PLA2R1: variants seen among roughly 807,000 people sequenced by gnomAD.
PLA2R1 encodes phospholipase A2 receptor 1.
In PLA2R1, 158 loss-of-function variants were observed where a neutral mutation model predicts 195.9. The observed-to-expected ratio is 0.81, with a 90% confidence interval of 0.71 to 0.92. PLA2R1 has a LOEUF of 0.92. Ranked by LOEUF, PLA2R1 falls within the 40% of genes least tolerant of loss-of-function variation. PLA2R1 has a pLI of 0.00. For synonymous variants in PLA2R1, 586 were observed against 598.2 expected, an observed-to-expected ratio of 0.98 and a Z score of 0.30; for missense variants, 1,626 against 1,764.6, an observed-to-expected ratio of 0.92 and a Z score of 1.41.
intron 11 of PLA2R1, among the ~76,000 whole-genome samples, chr2:159,993,453 T>TACACACAC (rs3063677): frequency 0.044 from 6,542 of 147,824 alleles, 173 homozygotes; most frequent in Non-Finnish European, 0.056. Flanking sequence ...GTGTTTAATT[T>TACACACAC]ACACACACAC....
At position 160,042,069 on chromosome 2, in the gene PLA2R1, C is replaced by T. The variant is rs1368628871; in HGVS notation, c.623G>A (p.Ser208Asn). ...EDDLLWCATTSRYERDEKWGF... is the reference protein window; with the variant it reads ...EDDLLWCATTNRYERDEKWGF... ...CCACTTTTCATCTCTTTCATAACGGCTTGTCGTGGCACACCACAGTAAGTC... is the reference window on the plus strand; with the variant it reads ...CCACTTTTCATCTCTTTCATAACGGTTTGTCGTGGCACACCACAGTAAGTC... The change falls in exon 3 of 30, where the codon AGC (serine) becomes AAC (asparagine). Residue 208 changes from serine (S) to asparagine (N), a missense_variant. Coordinates refer to ENST00000283243, the MANE Select transcript of PLA2R1 (RefSeq NM_007366.5). 2 of 1,614,136 alleles carry T rather than the reference C, an allele frequency of 1.2e-6. No individual in the cohort carries two copies. The highest frequency in any genetic ancestry group is 1.6e-4 in the Middle Eastern group (1 of 6,062).
At chr2:159,965,786 G>A (rs151081518) in intron 20 of PLA2R1, among the ~76,000 whole-genome samples, 4 of 152,196 alleles carry the variant, frequency 2.6e-5, no homozygotes, top group South Asian at 2.1e-4. Context: ...CCTGTTGTTC[G>A]GCCTCCTTGC....
intron 13 of PLA2R1, among the ~76,000 whole-genome samples, chr2:159,983,640 T>G (rs979129): frequency 2.0e-5 from 3 of 151,950 alleles, no homozygotes; most frequent in African/African-American, 7.2e-5. Context: ...TTGAAAACCA[T>G]TGGGGTAGAT....
rs935129127 is a variant in PLA2R1 at position 159,935,855 on chromosome 2, T to G, written c.*5923A>C. 2 of 152,108 alleles carry G rather than the reference T, an allele frequency of 1.3e-5. No homozygotes were observed. Among genetic ancestry groups the G allele is most frequent in the Non-Finnish European group, 2.9e-5 (2 of 68,026 alleles). The allele number at this position is 152,108 out of a possible 1,614,324, so 9.4% of individuals were successfully genotyped here. A position where few individuals can be genotyped will look rare whatever the true frequency, so the allele number is the denominator to read the frequency against. On this transcript the variant is annotated 3_prime_UTR_variant, in exon 30 of 30. Coordinates refer to ENST00000283243, the MANE Select transcript of PLA2R1 (RefSeq NM_007366.5). ...TTCCATTCCAACTCCCCCACAGAAT[T>G]TTATCCTAATGAGATATACTTTAAT...
downstream of PLA2R1, among the ~76,000 whole-genome samples, chr2:159,927,379 A>T (rs74900739): frequency 0.019 from 2,880 of 152,300 alleles, 167 homozygotes; most frequent in East Asian, 0.2. Flanking sequence ...TTTCATAAGA[A>T]TGCATCAGTC....
chr2:159,943,400 A>C (rs1025625421), intron 28 of PLA2R1, among the ~76,000 whole-genome samples: 2 of 152,242 alleles, frequency 1.3e-5, no homozygotes, highest in Non-Finnish European at 2.9e-5. Context: ...AAATTTTCAG[A>C]ACACAAGTGA....
intron 4 of PLA2R1, among the ~76,000 whole-genome samples, chr2:160,031,747 A>T (rs1279766496): frequency 6.6e-6 from 1 of 152,010 alleles, no homozygotes; most frequent in Non-Finnish European, 1.5e-5. Flanking sequence ...CCATGTTTTT[A>T]TTTATTTTTA....
chr2:160,016,015 G>A (rs6737904), intron 9 of PLA2R1, among the ~76,000 whole-genome samples: 22 of 151,986 alleles, frequency 1.4e-4, no homozygotes, highest in Middle Eastern at 3.4e-3. Flanking sequence ...CTGTAATCCC[G>A]GTACTTTGGG....
Position 159,941,418 on chromosome 2 carries a change from C to T in PLA2R1, c.*360G>A, listed in dbSNP as rs1687080696. On this transcript the variant is annotated 3_prime_UTR_variant, in exon 30 of 30. Transcript: ENST00000283243. ...GTGCAGGTAAATGTCTGAATAGATA[C>T]CAGATTAGTTTTAAAATTCCCCCAA... is the stretch of plus-strand genomic sequence containing the variant. 6.1e-6 allele frequency: 1 copy of T among 163,948 alleles called. No individual in the cohort carries two copies. 10.2% of individuals were successfully genotyped at this position (163,948 alleles called of 1,614,324 possible).
At chr2:160,048,191 T>G (rs769641853) in intron 1 of PLA2R1, among the ~76,000 whole-genome samples, 7 of 152,216 alleles carry the variant, frequency 4.6e-5, no homozygotes, top group Non-Finnish European at 8.8e-5. Context: ...TGGCAGAAAT[T>G]GGAACTTCTG....
chr2:160,045,235 TC>T (rs1476717629), intron 1 of PLA2R1, 78 bp from the exon 2 acceptor site: 13 of 1,154,810 alleles, frequency 1.1e-5, no homozygotes, highest in Non-Finnish European at 1.6e-5. Flanking sequence ...AGTGTGCATA[TC>T]TAAGTGCGAT....
chr2:160,043,377 G>A (rs1694668611), intron 2 of PLA2R1, among the ~76,000 whole-genome samples: 1 of 152,102 alleles, frequency 6.6e-6, no homozygotes, highest in African/African-American at 2.4e-5. Context: ...TGCCTTCTCA[G>A]GGTATTGCAA....
chr2:159,976,293 G>C, intron 16 of PLA2R1, 68 bp from the exon 17 acceptor site: 1 of 1,087,646 alleles, frequency 9.2e-7, no homozygotes, highest in Non-Finnish European at 1.3e-6. Flanking sequence ...CCCCAAATTT[G>C]AGATTTGGTC....
intron 20 of PLA2R1, among the ~76,000 whole-genome samples, chr2:159,961,015 C>T (rs771700057): frequency 1.3e-5 from 2 of 152,136 alleles, no homozygotes; most frequent in Non-Finnish European, 2.9e-5. Flanking sequence ...ACCATCCCAC[C>T]GCTCTCAGCT....
At chr2:160,050,036 G>A (rs540182335) in intron 1 of PLA2R1, among the ~76,000 whole-genome samples, 12 of 152,036 alleles carry the variant, frequency 7.9e-5, no homozygotes, top group Non-Finnish European at 1.3e-4. Context: ...GGGATGACAG[G>A]TGCAGGAAAC....
chr2:159,940,802 A>G lies in PLA2R1; in HGVS notation c.*976T>C, dbSNP rs1050542561. ...CTAAACTCATTTACATAATAAAGAT[A>G]TCTAGATTACTAATTTATTTAGTAC... is the stretch of plus-strand genomic sequence containing the variant. On this transcript the variant is annotated 3_prime_UTR_variant, in exon 30 of 30. Transcript: ENST00000283243. 7 of 152,230 alleles carry G rather than the reference A, an allele frequency of 4.6e-5. No individual in the cohort carries two copies. Among genetic ancestry groups the G allele is most frequent in the African/African-American group, 1.7e-4 (7 of 41,468 alleles). 9.4% of individuals were successfully genotyped at this position (152,230 alleles called of 1,614,324 possible).
intron 1 of PLA2R1, among the ~76,000 whole-genome samples, chr2:160,060,515 C>G (rs768170870): frequency 1.3e-5 from 2 of 152,210 alleles, no homozygotes; most frequent in South Asian, 4.1e-4. Context: ...GGTACATAAC[C>G]TCCGTGCTCC....
At chr2:160,006,712 C>T (rs1410756603) in intron 10 of PLA2R1, among the ~76,000 whole-genome samples, 2 of 152,150 alleles carry the variant, frequency 1.3e-5, no homozygotes, top group Non-Finnish European at 2.9e-5. Flanking sequence ...GAAACAGTGG[C>T]GACTTCTGGG....
intron 1 of PLA2R1, among the ~76,000 whole-genome samples, chr2:160,056,909 T>A (rs1170379752): frequency 1.3e-5 from 2 of 152,160 alleles, no homozygotes; most frequent in Non-Finnish European, 2.9e-5. Flanking sequence ...CTCATCTCTC[T>A]CATGCTTCCA....
Sources: allele counts gnomAD v4.1 joint callset (sites outside exome capture counted in the v4.1 genomes callset), GRCh38; gene constraint gnomAD v4.1.1; transcripts MANE v1.5; gene names NCBI Gene and HGNC (gene_info 2026-07-23, HGNC 2026-07-21).